The following UBE2V2 variants were observed in gnomAD, a reference collection of about 807,000 sequenced individuals.
UBE2V2 encodes ubiquitin conjugating enzyme E2 V2.
Under a neutral mutation model 17.2 loss-of-function variants are expected in UBE2V2, and 9 were observed. The ratio of observed to expected loss-of-function variants is 0.52; its 90% CI spans 0.32 to 0.91. The LOEUF (loss-of-function observed/expected upper bound fraction) is 0.91, where lower values mean the gene tolerates loss of function less well. Ranked by LOEUF, UBE2V2 falls within the 40% of genes least tolerant of loss-of-function variation. UBE2V2 has a pLI of 0.04. For missense variants in UBE2V2, 133 were observed against 182.6 expected (o/e 0.73, Z 1.56); for synonymous variants, 61 against 57.5 (o/e 1.06, Z -0.28).
rs914057472 is a variant in UBE2V2, at chr8:48,061,108, G to A, written c.*280G>A. The A allele has an allele frequency of 4.3e-5, 9 of 209,774 alleles. No individual in the cohort carries two copies. The highest frequency in any genetic ancestry group is 1.8e-4 in the South Asian group (1 of 5,408). 13.0% of individuals were successfully genotyped at this position (209,774 alleles called of 1,614,324 possible). ...GAATTCAGGTTTACAAGATGAAAGCGTGTGGAGAAGTGTCAGATGGCAGTG... is the reference window on the plus strand; with the variant it reads ...GAATTCAGGTTTACAAGATGAAAGCATGTGGAGAAGTGTCAGATGGCAGTG... On this transcript the variant is annotated 3_prime_UTR_variant, in exon 4 of 4. Coordinates refer to ENST00000523111, the MANE Select transcript of UBE2V2 (RefSeq NM_003350.3).
At chr8:48,019,830 C>T (rs1185372870) in intron 1 of UBE2V2, among the ~76,000 whole-genome samples, 1 of 151,580 alleles carries the variant, frequency 6.6e-6, no homozygotes, top group East Asian at 1.9e-4. Flanking sequence ...AAAAAATTAG[C>T]CAGGCATGGT....
upstream of UBE2V2, among the ~76,000 whole-genome samples, chr8:48,005,780 CT>C (rs1305986670): frequency 1.3e-5 from 2 of 152,170 alleles, no homozygotes; most frequent in African/African-American, 4.8e-5. Context: ...TGATGATGAG[CT>C]TTTTTTCATG....
chr8:48,004,198 T>G (rs1021331825), upstream of UBE2V2, among the ~76,000 whole-genome samples: 6 of 152,092 alleles, frequency 3.9e-5, no homozygotes, highest in African/African-American at 1.4e-4. Flanking sequence ...AGGAAGCAAA[T>G]GCAGGTTTTC....
chr8:48,009,616 A>C (rs2091214359), intron 1 of UBE2V2, among the ~76,000 whole-genome samples: 1 of 152,176 alleles, frequency 6.6e-6, no homozygotes, highest in South Asian at 2.1e-4. Context: ...GAGCAGTGTG[A>C]TTTAATAGTT....
chr8:48,014,801 A>G (rs1197677164), intron 1 of UBE2V2, among the ~76,000 whole-genome samples: 1 of 151,928 alleles, frequency 6.6e-6, no homozygotes, highest in Non-Finnish European at 1.5e-5. Context: ...CCGTAATCCT[A>G]GCACTTTGGG....
intron 3 of UBE2V2, among the ~76,000 whole-genome samples, chr8:48,058,797 T>A (rs2091589844): frequency 6.6e-6 from 1 of 151,938 alleles, no homozygotes; most frequent in African/African-American, 2.4e-5. Context: ...CTTTTTTGCA[T>A]CCATTGAGAT....
upstream of UBE2V2, among the ~76,000 whole-genome samples, chr8:48,005,381 G>A (rs1215789092): frequency 6.6e-6 from 1 of 152,134 alleles, no homozygotes; most frequent in Non-Finnish European, 1.5e-5. Context: ...GTATTCCATG[G>A]TGTATATTTG....
chr8:48,032,267 ATC>A (rs2091388628), intron 1 of UBE2V2, among the ~76,000 whole-genome samples: 1 of 152,196 alleles, frequency 6.6e-6, no homozygotes, highest in East Asian at 1.9e-4. Flanking sequence ...TATATTTTTA[ATC>A]TCATACAATT....
At chr8:48,051,749 G>A (rs1186989657) in intron 3 of UBE2V2, among the ~76,000 whole-genome samples, 1 of 152,184 alleles carries the variant, frequency 6.6e-6, no homozygotes, top group Non-Finnish European at 1.5e-5. Flanking sequence ...ACGCAGGTCT[G>A]AGGCGGGGCC....
the UBE2V2 span, among the ~76,000 whole-genome samples, chr8:48,002,861 T>C: frequency 6.6e-6 from 1 of 152,140 alleles, no homozygotes; most frequent in Admixed American, 6.6e-5. Context: ...GTTAATTAAG[T>C]TGATTTAGCC....
At chr8:48,007,849 C>T (rs1483667837), upstream of UBE2V2, among the ~76,000 whole-genome samples, 2 of 152,114 alleles carry the variant, frequency 1.3e-5, no homozygotes, top group Admixed American at 6.6e-5. Context: ...CCCACCTCAG[C>T]ATCCCTAGCT....
chr8:48,031,860 A>G (rs1166876305), intron 1 of UBE2V2, among the ~76,000 whole-genome samples: 1 of 152,044 alleles, frequency 6.6e-6, no homozygotes, highest in East Asian at 1.9e-4. Flanking sequence ...GTTATCCAGG[A>G]TGGTCTCAAT....
chr8:48,025,436 A>G (rs78094285), intron 1 of UBE2V2, among the ~76,000 whole-genome samples: 1 of 140,460 alleles, frequency 7.1e-6, no homozygotes, highest in East Asian at 2.1e-4. Context: ...GCTGATTATT[A>G]TTATTTTTTT....
Position 48,060,668 on chromosome 8 carries a change from T to C in UBE2V2, c.292-14T>C. The C allele has an allele frequency of 6.9e-7, 1 of 1,456,664 alleles. No individual in the cohort carries two copies. The highest frequency in any genetic ancestry group is 9.1e-7 in the Non-Finnish European group (1 of 1,102,262). The allele number at this position is 1,456,664 out of a possible 1,614,324, so 90.2% of individuals were successfully genotyped here. A position where few individuals can be genotyped will look rare whatever the true frequency, so the allele number is the denominator to read the frequency against. ...AAACTTGCTAGTTAACTGTACTCTTTCCTCCCCTTTCAGGTGGATGCCCGG... is the reference window on the plus strand; with the variant it reads ...AAACTTGCTAGTTAACTGTACTCTTCCCTCCCCTTTCAGGTGGATGCCCGG... On this transcript the variant is annotated splice_polypyrimidine_tract_variant and intron_variant, in intron 3 of 3. Coordinates refer to ENST00000523111, the MANE Select transcript of UBE2V2 (RefSeq NM_003350.3).
At chr8:48,026,178 A>G (rs2091343871) in intron 1 of UBE2V2, among the ~76,000 whole-genome samples, 1 of 151,906 alleles carries the variant, frequency 6.6e-6, no homozygotes, top group Non-Finnish European at 1.5e-5. Flanking sequence ...ATCGGGTAGG[A>G]AGAACTTGGT....
intron 1 of UBE2V2, among the ~76,000 whole-genome samples, chr8:48,010,910 T>A (rs1461812042): frequency 5.4e-5 from 8 of 148,948 alleles, no homozygotes; most frequent in Admixed American, 4.0e-4. Context: ...TTTTTTTTTT[T>A]AGTAGGGACA....
chr8:47,998,957 T>C, the UBE2V2 span, among the ~76,000 whole-genome samples: 1 of 152,168 alleles, frequency 6.6e-6, no homozygotes, highest in Non-Finnish European at 1.5e-5. Flanking sequence ...GTTTGCTGGT[T>C]AATTTTGCCA....
chr8:48,008,613 T>G lies in UBE2V2; in HGVS notation c.16+143T>G, dbSNP rs1398777946. 1.0e-5 allele frequency: 12 copies of G among 1,151,366 alleles called. No individual in the cohort carries two copies. In the Admixed American group the frequency reaches 4.7e-4, roughly 45 times the overall value. 71.3% of individuals were successfully genotyped at this position (1,151,366 alleles called of 1,614,324 possible). On this transcript the variant is annotated intron_variant, in intron 1 of 3. Transcript: ENST00000523111. ...GCCGCGCTCTCCGCAGAGCGTAGCC[T>G]GGGACCGGGTGGGACCGGCGCCGAG...
At chr8:48,023,530 A>G (rs527431063) in intron 1 of UBE2V2, among the ~76,000 whole-genome samples, 232 of 152,066 alleles carry the variant, frequency 1.5e-3, no homozygotes, top group African/African-American at 5.3e-3. Context: ...ATGAAACTTG[A>G]TAGAAGTGGA....
Sources: allele counts gnomAD v4.1 joint callset (sites outside exome capture counted in the v4.1 genomes callset), GRCh38; gene constraint gnomAD v4.1.1; transcripts MANE v1.5; gene names NCBI Gene and HGNC (gene_info 2026-07-23, HGNC 2026-07-21).